PTPRD: variants seen among roughly 807,000 people sequenced by gnomAD.
PTPRD encodes protein tyrosine phosphatase receptor type D.
Under a neutral mutation model 214.5 loss-of-function variants are expected in PTPRD, and 34 were observed. The observed-to-expected ratio is 0.16, with a 90% confidence interval of 0.12 to 0.21. The LOEUF (loss-of-function observed/expected upper bound fraction) is 0.21. Ranked by LOEUF, PTPRD falls within the 10% of genes least tolerant of loss-of-function variation. The pLI, the probability that PTPRD is intolerant of heterozygous loss-of-function variation, is 1.00. For synonymous variants in PTPRD, 1,128 were observed against 845.7 expected (o/e 1.33, Z -5.79); for missense variants, 2,545 against 2,398.7 (o/e 1.06, Z -1.27).
intron 25 of PTPRD, among the ~76,000 whole-genome samples, chr9:8,498,084 C>T (rs888910991): frequency 7.2e-5 from 11 of 152,052 alleles, no homozygotes; most frequent in Non-Finnish European, 1.5e-4. Context: ...AGGGGTATTA[C>T]GAAGCACTAC....
chr9:9,246,816 G>A (rs1265156876), intron 9 of PTPRD, among the ~76,000 whole-genome samples: 1 of 151,976 alleles, frequency 6.6e-6, no homozygotes, highest in South Asian at 2.1e-4. Context: ...TGAAACTTCA[G>A]GAAGTTTCCT....
intron 2 of PTPRD, among the ~76,000 whole-genome samples, chr9:10,373,124 G>A (rs1291806826): frequency 4.1e-5 from 6 of 147,440 alleles, no homozygotes; most frequent in Non-Finnish European, 5.9e-5. Flanking sequence ...GAGTCACTGT[G>A]CCCGGCCTGT....
At chr9:9,178,845 C>A (rs982295953) in intron 10 of PTPRD, among the ~76,000 whole-genome samples, 2 of 152,082 alleles carry the variant, frequency 1.3e-5, no homozygotes, top group African/African-American at 4.8e-5. Context: ...GCTGAGCTTT[C>A]TTCTTCTGGC....
At chr9:8,810,526 C>T (rs1443962571) in intron 11 of PTPRD, among the ~76,000 whole-genome samples, 1 of 152,090 alleles carries the variant, frequency 6.6e-6, no homozygotes, top group South Asian at 2.1e-4. Flanking sequence ...AAGAATCAGC[C>T]ACTCTTCAGC....
intron 8 of PTPRD, among the ~76,000 whole-genome samples, chr9:9,487,293 G>T (rs2095687718): frequency 6.7e-6 from 1 of 149,738 alleles, no homozygotes; most frequent in Non-Finnish European, 1.5e-5. Context: ...TCCCACCTAT[G>T]AGTGAGAACA....
Position 8,518,200 on chromosome 9 carries a change from A to G in PTPRD, c.1191T>C (p.Asn397=), listed in dbSNP as rs1194843056. 1 of 1,614,030 alleles carries G rather than the reference A, an allele frequency of 6.2e-7. No individual in the cohort carries two copies. The highest frequency in any genetic ancestry group is 8.5e-7 in the Non-Finnish European group (1 of 1,180,026). The part of the protein sequence containing the change: ...SDYEFRVVAV[N]NIGRGPPSEP... Reference sequence around the variant, plus strand: ...CGCTGGGAGGCCCCCGCCCAATGTTATTGACAGCAACAACCCTGAATTCAT... The same window carrying G: ...CGCTGGGAGGCCCCCGCCCAATGTTGTTGACAGCAACAACCCTGAATTCAT... Residue 397 remains asparagine, a synonymous_variant, in exon 21 of 46, where the codon AAT becomes AAC. Transcript: ENST00000381196.
chr9:8,579,205 T>G (rs1485278994), intron 14 of PTPRD, among the ~76,000 whole-genome samples: 1 of 152,216 alleles, frequency 6.6e-6, no homozygotes, highest in Non-Finnish European at 1.5e-5. Context: ...AAAGCACTGC[T>G]TAAAGTTCCA....
chr9:9,909,409 C>A (rs1382238112), intron 5 of PTPRD, among the ~76,000 whole-genome samples: 1 of 148,660 alleles, frequency 6.7e-6, no homozygotes, highest in Non-Finnish European at 1.5e-5. Flanking sequence ...ATTGGAAAGA[C>A]TTTAAAATAT....
intron 7 of PTPRD, among the ~76,000 whole-genome samples, chr9:9,677,219 A>G (rs1403371751): frequency 6.6e-6 from 1 of 152,090 alleles, no homozygotes; most frequent in Non-Finnish European, 1.5e-5. Context: ...TATGTCCTGA[A>G]TGGTATTGCC....
chr9:8,553,188 T>C (rs1019161151), intron 14 of PTPRD, among the ~76,000 whole-genome samples: 1 of 152,168 alleles, frequency 6.6e-6, no homozygotes, highest in East Asian at 1.9e-4. Context: ...AGATTACAAC[T>C]AAACTCGGAT....
chr9:9,794,040 A>T (rs1371554200), intron 5 of PTPRD, among the ~76,000 whole-genome samples: 1 of 152,036 alleles, frequency 6.6e-6, no homozygotes, highest in Non-Finnish European at 1.5e-5. Flanking sequence ...CGAGGCATTA[A>T]GCTAGGTTAA....
intron 6 of PTPRD, among the ~76,000 whole-genome samples, 171 bp from the exon 7 acceptor site, chr9:9,734,742 CTGAAG>C (rs2098262741): frequency 6.6e-6 from 1 of 151,962 alleles, no homozygotes; most frequent in Admixed American, 6.6e-5. Flanking sequence ...TTAACTTAAA[CTGAAG>C]TGTTTAACTT....
intron 5 of PTPRD, among the ~76,000 whole-genome samples, chr9:9,874,565 TAGAA>T (rs1182891945): frequency 1.3e-5 from 2 of 152,186 alleles, no homozygotes; most frequent in African/African-American, 4.8e-5. Context: ...GTATTTGAAT[TAGAA>T]AGGAAAGAAA....
intron 4 of PTPRD, among the ~76,000 whole-genome samples, chr9:10,032,691 T>C (rs1332440453): frequency 6.6e-6 from 1 of 152,170 alleles, no homozygotes; most frequent in African/African-American, 2.4e-5. Context: ...GAAGAATCAT[T>C]TAGTGTCAAA....
intron 9 of PTPRD, among the ~76,000 whole-genome samples, chr9:9,191,414 T>C (rs1478684994): frequency 6.6e-6 from 1 of 152,082 alleles, no homozygotes; most frequent in Non-Finnish European, 1.5e-5. Flanking sequence ...TGCAGTCTCG[T>C]GAGAGGTCTG....
At chr9:8,719,127 CTTTT>C (rs1335559717) in intron 12 of PTPRD, among the ~76,000 whole-genome samples, 1 of 152,076 alleles carries the variant, frequency 6.6e-6, no homozygotes, top group Admixed American at 6.6e-5. Context: ...CTTTTTTCCT[CTTTT>C]TTAAGATGTT....
intron 9 of PTPRD, among the ~76,000 whole-genome samples, chr9:9,239,354 C>T (rs2099969124): frequency 6.6e-6 from 1 of 152,116 alleles, no homozygotes; most frequent in African/African-American, 2.4e-5. Context: ...GAATTGTCAG[C>T]ATCAAATATA....
At chr9:9,513,356 T>G (rs1463619711) in intron 8 of PTPRD, among the ~76,000 whole-genome samples, 4 of 152,006 alleles carry the variant, frequency 2.6e-5, no homozygotes, top group Non-Finnish European at 5.9e-5. Context: ...CTAAATTGAT[T>G]ACTTTCCTAT....
At chr9:9,967,663 A>G (rs753068852) in intron 4 of PTPRD, among the ~76,000 whole-genome samples, 3 of 152,296 alleles carry the variant, frequency 2.0e-5, no homozygotes, top group Middle Eastern at 3.4e-3. Context: ...TATTAGGATT[A>G]AAACAGAAAA....
Sources: gnomAD v4.1 joint callset for allele counts (sites outside exome capture counted in the v4.1 genomes callset) on GRCh38, gnomAD v4.1.1 for gene constraint, MANE v1.5 for transcripts, NCBI Gene and HGNC (gene_info 2026-07-23, HGNC 2026-07-21) for gene names.